DSP: variants seen among roughly 807,000 people sequenced by gnomAD.
The protein encoded by DSP is 250/210 kDa paraneoplastic pemphigus antigen.
Under a neutral mutation model 290.6 loss-of-function variants are expected in DSP, and 114 were observed. The observed-to-expected ratio is 0.39, with a 90% CI of 0.34 to 0.46. The LOEUF (loss-of-function observed/expected upper bound fraction) is 0.46, where lower values mean the gene tolerates loss of function less well. DSP is among the 20% of genes least tolerant of loss of function. The pLI is 0.99. For missense variants in DSP, 3,230 were observed against 3,495.8 expected (o/e 0.92, Z 1.92); for synonymous variants, 1,311 against 1,316.4 (o/e 1.00, Z 0.09).
chr6:7,564,824 C>CA (rs951825855), intron 6 of DSP, among the ~76,000 whole-genome samples: 5 of 147,962 alleles, frequency 3.4e-5, no homozygotes, highest in East Asian at 2.0e-4. Flanking sequence ...TAAAAAATAC[C>CA]AAAAAAAGAC....
intron 1 of DSP, among the ~76,000 whole-genome samples, chr6:7,554,046 A>G (rs1758418655): frequency 6.8e-6 from 1 of 146,174 alleles, no homozygotes; most frequent in African/African-American, 2.6e-5. Context: ...TTGTTTGTCA[A>G]ACATTTTTTT....
intron 15 of DSP, among the ~76,000 whole-genome samples, chr6:7,572,596 G>GA (rs983600705): frequency 6.6e-6 from 1 of 152,214 alleles, no homozygotes; most frequent in African/African-American, 2.4e-5. Context: ...GAAAGAAATA[G>GA]AAGGTCAACT....
chr6:7,569,192 G>C lies in DSP; in HGVS notation c.1426G>C (p.Val476Leu), dbSNP rs367987327. The C allele has an allele frequency of 1.9e-6, 3 of 1,614,168 alleles. No individual in the cohort carries two copies. The change falls in exon 12 of 24, where the codon GTG (valine) becomes CTG (leucine). Residue 476 changes from valine to leucine, a missense_variant. By Grantham distance (32) the Val-to-Leu change is conservative (BLOSUM62 1). Transcript: ENST00000379802. ...GGGGTTGCTTGCCTTACAGAAAATC[G>C]TGCATAAGGGGGATGAGTGTATCCT... is the stretch of plus-strand genomic sequence containing the variant. ...LCDYKQDQKIVHKGDECILKD... is the reference protein window; with the variant it reads ...LCDYKQDQKILHKGDECILKD...
At chr6:7,559,539 C>A (rs1758618508) in intron 4 of DSP, 139 bp downstream of exon 4, 1 of 1,065,386 alleles carries the variant, frequency 9.4e-7, no homozygotes, top group African/African-American at 1.6e-5. Flanking sequence ...GGATTTTCCT[C>A]CTATACAATT....
At position 7,580,717 on chromosome 6, in the gene DSP, G is replaced by A. The variant is rs1031492019; in HGVS notation, c.4527G>A (p.Arg1509=). The A allele has an allele frequency of 6.2e-7, 1 of 1,613,940 alleles. No homozygotes were observed. The highest frequency in any genetic ancestry group is 8.5e-7 in the Non-Finnish European group (1 of 1,179,966). The change falls in exon 23 of 24, where the codon AGG becomes AGA. Residue 1509 remains arginine, a synonymous_variant. Coordinates refer to ENST00000379802, the MANE Select transcript of DSP (RefSeq NM_004415.4). This position sits in a 1 kb window ranked among gnomAD's most constrained non-coding sequence, Gnocchi z 4.2. ...CLEDENARLQ[R]VQYDLQKANS... is the part of the protein sequence containing the mutation. ...AAGATGAAAACGCGAGATTACAAAG[G>A]GTCCAGTATGACCTGCAGAAAGCAA...
rs2113677475 is a variant in DSP, at chr6:7,570,530, C to G, written c.1668C>G (p.Asp556Glu). ...SLVSWHYCMI[D>E]IEKIRAMTIA... is the part of the protein sequence containing the mutation. ...TGTCCTGGCACTACTGCATGATTGA[C>G]ATAGAGAAGATCAGGGCCATGACAA... Residue 556 changes from aspartate (D) to glutamate (E), a missense_variant, in exon 13 of 24, where the codon GAC becomes GAG. Asp to Glu is a conservative substitution (Grantham distance 45, BLOSUM62 2). Around this residue, in one of 5 missense-constraint regions of DSP, gnomAD observed 81 missense variants for 130.5 expected, o/e 0.62. Transcript: ENST00000379802. 1 of 1,613,864 alleles carries G rather than the reference C, an allele frequency of 6.2e-7. No homozygotes were observed. Among genetic ancestry groups the G allele is most frequent in the South Asian group, 1.1e-5 (1 of 91,062 alleles).
chr6:7,576,426 C>G lies in DSP; in HGVS notation c.2763C>G (p.Asn921Lys), dbSNP rs751813993. Residue 921 changes from asparagine to lysine, a missense_variant, in exon 19 of 24, where the codon AAC becomes AAG. Around this residue, in one of 5 missense-constraint regions of DSP, gnomAD observed 1,714 missense variants for 1,844.5 expected, o/e 0.93. Transcript: ENST00000379802. ...SLESMKFGDS[N>K]TVMRFLNEQK... ...AATCCATGAAATTTGGAGATTCCAA[C>G]ACAGTCATGCGGTTTTTGAATGAGC... The G allele has an allele frequency of 6.2e-7, 1 of 1,614,108 alleles. No individual in the cohort carries two copies. Among genetic ancestry groups the G allele is most frequent in the Non-Finnish European group, 8.5e-7 (1 of 1,180,004 alleles).
Position 7,579,995 on chromosome 6 carries a change from C to T in DSP, c.3805C>T (p.Arg1269Ter), listed in dbSNP as rs767643821. The T allele has an allele frequency of 5.0e-6, 8 of 1,613,940 alleles. No individual in the cohort carries two copies. The highest frequency in any genetic ancestry group is 6.8e-6 in the Non-Finnish European group (8 of 1,180,020). ...SILQATEQRR[R>*]AEENALQQKA... ...CTTGCAGGCCACTGAGCAGCGAAGG[C>T]GAGCTGAAGAAAACGCCCTTCAGCA... The change falls in exon 23 of 24, where the codon CGA (arginine) becomes TGA (stop). Residue 1269 changes from arginine (R) to a stop codon, truncating the protein, a stop_gained. Transcript: ENST00000379802. LOFTEE classifies it high-confidence loss of function. This position sits in a 1 kb window ranked among gnomAD's most constrained non-coding sequence, Gnocchi z 4.1.
At position 7,581,161 on chromosome 6, in the gene DSP, C is replaced by T; in HGVS notation, c.4971C>T (p.Leu1657=). 1 of 1,614,194 alleles carries T rather than the reference C, an allele frequency of 6.2e-7. No individual in the cohort carries two copies. The highest frequency in any genetic ancestry group is 8.5e-7 in the Non-Finnish European group (1 of 1,180,046). The change falls in exon 23 of 24, where the codon CTC becomes CTT. Residue 1657 remains leucine, a synonymous_variant. Transcript: ENST00000379802. ...KQRTQEELRR[L]SSEVEALRRQ... is the part of the protein sequence containing the mutation. The stretch of plus-strand genomic sequence containing the variant: ...GGACCCAGGAAGAGCTGAGGAGGCT[C>T]TCTTCTGAGGTCGAGGCCCTGAGGC...
Position 7,546,700 on chromosome 6 carries a change from T to G in DSP, c.170+4615T>G, listed in dbSNP as rs140360787. ...GAGTTATTACTTATTTTTAATCTGT[T>G]GAATTCCTCAGTCTGCGTTCCTGTG... is the stretch of plus-strand genomic sequence containing the variant. On this transcript the variant is annotated intron_variant, in intron 1 of 23. Coordinates refer to ENST00000379802, the MANE Select transcript of DSP (RefSeq NM_004415.4). 2.3e-3 allele frequency among the ~76,000 whole-genome samples: 354 copies of G among 152,346 alleles called. 1 individual carries two copies. Among genetic ancestry groups the G allele is most frequent in the African/African-American group, 8.3e-3 (345 of 41,580 alleles).
At chr6:7,558,733 C>T (rs1348471525) in intron 3 of DSP, among the ~76,000 whole-genome samples, 2 of 152,048 alleles carry the variant, frequency 1.3e-5, no homozygotes, top group African/African-American at 2.4e-5. Flanking sequence ...AGGCTGATCT[C>T]GAAGTCCTAG....
At chr6:7,569,972 C>T (rs1340336153) in intron 12 of DSP, among the ~76,000 whole-genome samples, 2 of 152,164 alleles carry the variant, frequency 1.3e-5, no homozygotes, top group South Asian at 2.1e-4. Flanking sequence ...TATAAAATGC[C>T]TTTAATATCA....
At chr6:7,574,330 T>C (rs914185287) in intron 16 of DSP, 78 bp downstream of exon 16, 36 of 1,433,114 alleles carry the variant, frequency 2.5e-5, no homozygotes, top group Non-Finnish European at 2.4e-5. Context: ...CTTTAGATGC[T>C]TGCCTTACAG....
intron 15 of DSP, among the ~76,000 whole-genome samples, 178 bp downstream of exon 15, chr6:7,572,246 TG>T (rs1017564657): frequency 6.6e-6 from 1 of 152,198 alleles, no homozygotes; most frequent in African/African-American, 2.4e-5. Flanking sequence ...GTTATCAGGC[TG>T]GGGGTTAAAC....
chr6:7,571,368 C>A lies in DSP; in HGVS notation c.1702-15C>A. On this transcript the variant is annotated splice_polypyrimidine_tract_variant and intron_variant, in intron 13 of 23. Transcript: ENST00000379802. The stretch of plus-strand genomic sequence containing the variant: ...AGTCATAAATCCCAAATCACTTCTG[C>A]CTGTCTCCTTTCAGCTGAAAACAAT... The A allele has an allele frequency of 1.2e-6, 2 of 1,614,064 alleles. No homozygotes were observed. Among genetic ancestry groups the A allele is most frequent in the Non-Finnish European group, 1.7e-6 (2 of 1,179,994 alleles).
At chr6:7,542,140 C>T in intron 1 of DSP, 55 bp downstream of exon 1, 1 of 1,544,440 alleles carries the variant, frequency 6.5e-7, no homozygotes, top group Non-Finnish European at 8.8e-7. Flanking sequence ...AGGGAGGGAC[C>T]GTCCTCCTCT....
chr6:7,569,254 G>A lies in DSP; in HGVS notation c.1488G>A (p.Thr496=), dbSNP rs35820473. The change falls in exon 12 of 24, where the codon ACG becomes ACA. Residue 496 remains threonine, a synonymous_variant. Coordinates refer to ENST00000379802, the MANE Select transcript of DSP (RefSeq NM_004415.4). ...ACGAGCGCAGCAAGTGGTACGTGAC[G>A]GGCCCGGGAGGCGTTGACATGCTTG... ...DNNERSKWYV[T]GPGGVDMLVP... The A allele has an allele frequency of 1.5e-3, 2,465 of 1,614,148 alleles. 5 individuals carry two copies. Among genetic ancestry groups the A allele is most frequent in the African/African-American group, 4.4e-3 (333 of 75,016 alleles).
At chr6:7,547,863 AT>A (rs2113640853) in intron 1 of DSP, among the ~76,000 whole-genome samples, 1 of 152,294 alleles carries the variant, frequency 6.6e-6, no homozygotes, top group South Asian at 2.1e-4. Context: ...CTCACACTTA[AT>A]ACCCAATCCA....
At chr6:7,561,771 C>T (rs73375326) in intron 4 of DSP, among the ~76,000 whole-genome samples, 6,403 of 152,282 alleles carry the variant, frequency 0.042, 422 homozygotes, top group African/African-American at 0.14. Context: ...ATGGATGTGG[C>T]TTAGAACAAT....
Sources: gnomAD v4.1 joint callset for allele counts (sites outside exome capture counted in the v4.1 genomes callset) on GRCh38, gnomAD v4.1.1 for gene constraint, gnomAD v4.1.1 regional missense constraint, Gnocchi (gnomAD v3.1) non-coding constraint, MANE v1.5 for transcripts, NCBI Gene and HGNC (gene_info 2026-07-23, HGNC 2026-07-21) for gene names.